The following MED14 variants were observed in gnomAD, a reference collection of about 807,000 sequenced individuals.
The protein encoded by MED14 is mediator of RNA polymerase II transcription subunit 14.
In MED14, 8 loss-of-function variants were observed where a neutral mutation model predicts 109.0. The observed-to-expected ratio is 0.07, with a 90% CI of 0.04 to 0.13. The LOEUF (loss-of-function observed/expected upper bound fraction) is 0.13. Ranked by LOEUF, MED14 falls within the 10% of genes least tolerant of loss-of-function variation. The pLI, the probability that MED14 is intolerant of heterozygous loss-of-function variation, is 1.00. For missense variants in MED14, 711 were observed against 1,142.4 expected (o/e 0.62, Z 5.44); for synonymous variants, 399 against 408.7 (o/e 0.98, Z 0.29).
At chrX:40,678,728 C>T (rs1327989292) in intron 21 of MED14, among the ~76,000 whole-genome samples, 1 of 109,932 alleles carries the variant, frequency 9.1e-6, no homozygotes, top group East Asian at 2.8e-4. Flanking sequence ...ATGGATTTAG[C>T]CCTGGTGGTT....
intron 28 of MED14, among the ~76,000 whole-genome samples, chrX:40,658,746 C>A (rs1044591030): frequency 9.5e-6 from 1 of 104,842 alleles, no homozygotes; most frequent in Non-Finnish European, 2.0e-5. Flanking sequence ...ACCTGTAGTC[C>A]CAACTACTCA....
In MED14 at chrX:40,675,349, T is replaced by C; in HGVS notation, c.2893A>G (p.Met965Val). The change falls in exon 22 of 31, where the codon ATG becomes GTG. Residue 965 changes from methionine (M) to valine (V), a missense_variant. Met to Val is a conservative substitution (Grantham distance 21). This residue lies in a region of MED14 where 100 missense variants were observed against 147.5 expected (regional missense o/e 0.68). Transcript: ENST00000324817. ...GCATCCTGATTGCTGTCAACAAACA[T>C]ATTCAGGAACGTCTACGGATATAAA... is the stretch of plus-strand genomic sequence containing the variant. ...PAPGLKTFLN[M>V]FVDSNQDARR... The C allele has an allele frequency of 8.4e-7, 1 of 1,190,370 alleles. No individual in the cohort carries two copies. The highest frequency in any genetic ancestry group is 1.7e-5 in the African/African-American group (1 of 57,242).
chrX:40,670,774 AAAAAAAAAT>A lies in MED14; in HGVS notation c.3133+1078_3133+1086del, dbSNP rs202005092. ...CAGAGCGAGACTCTGTCTCAAAAAA[AAAAAAAAAT>A]AAAAAAAATAAAGGAGAACAGTATG... On this transcript the variant is annotated intron_variant, in intron 23 of 30. Transcript: ENST00000324817. Among the ~76,000 whole-genome samples, 868 of 110,879 alleles carry A rather than the reference AAAAAAAAAT, an allele frequency of 7.8e-3. 11 individuals are homozygous for A. Among genetic ancestry groups the A allele is most frequent in the African/African-American group, 0.027 (829 of 30,481 alleles).
chrX:40,691,727 T>C (rs1930517719), intron 15 of MED14, among the ~76,000 whole-genome samples: 1 of 106,571 alleles, frequency 9.4e-6, no homozygotes, highest in Non-Finnish European at 1.9e-5. Context: ...TTCTCCTGCT[T>C]CAGCCTCCCA....
Position 40,658,575 on chromosome X carries a change from G to A in MED14, c.3972+652C>T, listed in dbSNP as rs779633407. 7.4e-5 allele frequency among the ~76,000 whole-genome samples: 8 copies of A among 107,519 alleles called. No homozygotes were observed. In the South Asian group the frequency reaches 2.9e-3, roughly 39 times the overall value. 93.4% of individuals were successfully genotyped at this position (107,519 alleles called of 115,157 possible). On this transcript the variant is annotated intron_variant, in intron 28 of 30. Transcript: ENST00000324817. Reference sequence around the variant, plus strand: ...TTTAAAATATTTATAAGAAGGCCACGCACAGTGGCTCACACCTGTAATCCC... The same window carrying A: ...TTTAAAATATTTATAAGAAGGCCACACACAGTGGCTCACACCTGTAATCCC...
intron 23 of MED14, among the ~76,000 whole-genome samples, chrX:40,669,997 G>A (rs1189050235): frequency 8.9e-6 from 1 of 111,953 alleles, no homozygotes; most frequent in African/African-American, 3.3e-5. Flanking sequence ...GTTTATCTAG[G>A]AATCTAAGCA....
chrX:40,682,331 T>C (rs1930148173), intron 18 of MED14, among the ~76,000 whole-genome samples: 1 of 112,207 alleles, frequency 8.9e-6, no homozygotes, highest in Non-Finnish European at 1.9e-5. Flanking sequence ...ACAAGCAAAC[T>C]GTTTATAATA....
intron 13 of MED14, among the ~76,000 whole-genome samples, chrX:40,693,293 C>T (rs775500110): frequency 7.2e-5 from 8 of 111,791 alleles, no homozygotes; most frequent in African/African-American, 2.6e-4. Flanking sequence ...TTGTAGCTCC[C>T]GTAATTCCCA....
In MED14 at chrX:40,724,845, A is replaced by C. The variant is rs769020238; in HGVS notation, c.348+1901T>G. Among the ~76,000 whole-genome samples, 5 of 111,766 alleles carry C rather than the reference A, an allele frequency of 4.5e-5. No homozygotes were observed. The South Asian group carries it at 1.5e-3, about 33-fold the overall frequency. Reference sequence around the variant, plus strand: ...AATAAATGAATTTGAAATGAAGAAAACAATGCAAAAGATCAATGAAACAAG... The same window carrying C: ...AATAAATGAATTTGAAATGAAGAAACCAATGCAAAAGATCAATGAAACAAG... On this transcript the variant is annotated intron_variant, in intron 3 of 30. Transcript: ENST00000324817.
upstream of MED14, chrX:40,735,635 T>TG (rs1045160581): frequency 1.2e-5 from 6 of 494,300 alleles, no homozygotes; most frequent in East Asian, 7.7e-5. Context: ...GAGGCGGGGA[T>TG]GGGGGGGAAG....
intron 23 of MED14, among the ~76,000 whole-genome samples, chrX:40,669,138 C>T (rs757822333): frequency 3.6e-5 from 4 of 112,249 alleles, no homozygotes; most frequent in Non-Finnish European, 5.6e-5. Flanking sequence ...ATAGGACCTA[C>T]ACCACAGGTT....
Position 40,680,038 on chromosome X carries a change from C to T in MED14, c.2706G>A (p.Gln902=). The part of the protein sequence containing the change: ...GLTQRTNTAY[Q]CFSILPQSST... ...ACGACTGTGGCAGAATGGAGAAGCA[C>T]TGGTAGGCAGTATTGGTTCTCTGGG... Residue 902 remains glutamine, a synonymous_variant, in exon 21 of 31, where the codon CAG becomes CAA. Coordinates refer to ENST00000324817, the MANE Select transcript of MED14 (RefSeq NM_004229.4). 3 of 1,210,749 alleles carry T rather than the reference C, an allele frequency of 2.5e-6. No individual in the cohort carries two copies. The South Asian group carries it at 5.3e-5, about 21-fold the overall frequency.
At chrX:40,724,423 C>G (rs1931832338) in intron 3 of MED14, among the ~76,000 whole-genome samples, 1 of 112,010 alleles carries the variant, frequency 8.9e-6, no homozygotes, top group Admixed American at 9.5e-5. Flanking sequence ...CAAGGACAGA[C>G]CATATGTTAG....
chrX:40,704,223 C>G (rs1300522243), intron 10 of MED14, among the ~76,000 whole-genome samples: 5 of 111,938 alleles, frequency 4.5e-5, no homozygotes, highest in Admixed American at 3.8e-4. Context: ...TTCCACGAGG[C>G]CCAATTAACT....
rs1013268496 is a variant in MED14, at chrX:40,665,670, T to C, written c.3265+1050A>G. Among the ~76,000 whole-genome samples, 3 of 112,612 alleles carry C rather than the reference T, an allele frequency of 2.7e-5. No homozygotes were observed. The Admixed American group carries it at 2.8e-4, about 11-fold the overall frequency. On this transcript the variant is annotated intron_variant, in intron 24 of 30. Coordinates refer to ENST00000324817, the MANE Select transcript of MED14 (RefSeq NM_004229.4). ...TGTCCAAGGTCTTTAAAATATGTAA[T>C]ACTCCCTGGCGATGATGCAGGATAA...
Position 40,697,057 on chromosome X carries a change from G to C in MED14, c.1617C>G (p.Phe539Leu). 1 of 1,203,463 alleles carries C rather than the reference G, an allele frequency of 8.3e-7. No individual in the cohort carries two copies. Among genetic ancestry groups the C allele is most frequent in the South Asian group, 1.8e-5 (1 of 56,637 alleles). The change falls in exon 13 of 31, where the codon TTC (phenylalanine) becomes TTG (leucine). Residue 539 changes from phenylalanine (F) to leucine (L), a missense_variant. Physicochemically the swap from Phe to Leu is conservative, Grantham distance 22. This residue lies in a region of MED14 where 388 missense variants were observed against 517.3 expected (regional missense o/e 0.75). Transcript: ENST00000324817. ...ATTGTGGAAGGCGGGTAAGTTTAATGAACAGTTTATTCTTAGAAAGGTTTC... is the reference window on the plus strand; with the variant it reads ...ATTGTGGAAGGCGGGTAAGTTTAATCAACAGTTTATTCTTAGAAAGGTTTC... ...PIGNLSKNKLFIKLTRLPQYY... is the reference protein window; with the variant it reads ...PIGNLSKNKLLIKLTRLPQYY...
Position 40,701,597 on chromosome X carries a change from G to A in MED14, c.1412-354C>T, listed in dbSNP as rs189973200. ...AAATTATAAGTATTTAAAACTCATAGTATTATTAGACTTAGAACCTTAAAA... is the reference window on the plus strand; with the variant it reads ...AAATTATAAGTATTTAAAACTCATAATATTATTAGACTTAGAACCTTAAAA... On this transcript the variant is annotated intron_variant, in intron 11 of 30. Coordinates refer to ENST00000324817, the MANE Select transcript of MED14 (RefSeq NM_004229.4). Among the ~76,000 whole-genome samples, 66 of 111,135 alleles carry A rather than the reference G, an allele frequency of 5.9e-4. 2 individuals are homozygous for A. In the East Asian group the frequency reaches 0.017, roughly 29 times the overall value.
Position 40,650,295 on chromosome X carries a change from C to CTT in MED14, c.*1509_*1510dup, listed in dbSNP as rs997520413. 5.3e-6 allele frequency: 4 copies of CTT among 752,378 alleles called. No homozygotes were observed. The African/African-American group carries it at 9.3e-5, about 17-fold the overall frequency. The allele number at this position is 752,378 out of a possible 1,213,427, so 62.0% of individuals were successfully genotyped here. A position where few individuals can be genotyped will look rare whatever the true frequency, so the allele number is the denominator to read the frequency against. Reference sequence around the variant, plus strand: ...AGACAAAGAAGAAAGGCAAAGAAGGCTTCAACTCTGATTGAAAATGAGTGG... The same window carrying CTT: ...AGACAAAGAAGAAAGGCAAAGAAGGCTTTTCAACTCTGATTGAAAATGAGTGG... On this transcript the variant is annotated 3_prime_UTR_variant, in exon 31 of 31. Coordinates refer to ENST00000324817, the MANE Select transcript of MED14 (RefSeq NM_004229.4).
At chrX:40,712,321 GTTA>G in intron 6 of MED14, 28 bp from the exon 7 acceptor site, 3 of 1,080,692 alleles carry the variant, frequency 2.8e-6, no homozygotes, top group Middle Eastern at 2.5e-4. Context: ...AAAGAAAGCA[GTTA>G]ATTAAATAGG....
Sources: allele counts gnomAD v4.1 joint callset (sites outside exome capture counted in the v4.1 genomes callset), GRCh38; gene constraint gnomAD v4.1.1; regional missense constraint gnomAD v4.1.1; transcripts MANE v1.5; gene names NCBI Gene and HGNC (gene_info 2026-07-23, HGNC 2026-07-21).